CENPP: variants seen among roughly 807,000 people sequenced by gnomAD.
CENPP encodes the protein centromere protein P.
A neutral mutation model predicts 35.6 loss-of-function variants in CENPP; 24 were observed. That is an observed-to-expected ratio of 0.67 (90% CI 0.49 to 0.95). The LOEUF (loss-of-function observed/expected upper bound fraction) is 0.95. CENPP is among the 40% of genes least tolerant of loss of function. The pLI is 0.00. For synonymous variants in CENPP, 120 were observed against 125.5 expected, an observed-to-expected ratio of 0.96 and a Z score of 0.29; for missense variants, 332 against 345.3, an observed-to-expected ratio of 0.96 and a Z score of 0.31.
At chr9:92,326,446 T>C (rs1282701837) in intron 1 of CENPP, among the ~76,000 whole-genome samples, 3 of 152,246 alleles carry the variant, frequency 2.0e-5, no homozygotes, top group African/African-American at 7.2e-5. Flanking sequence ...TCATGGCATT[T>C]GTTTTGGTAG....
At chr9:92,346,264 C>G (rs1196702451) in intron 4 of CENPP, among the ~76,000 whole-genome samples, 1 of 152,098 alleles carries the variant, frequency 6.6e-6, no homozygotes, top group Admixed American at 6.6e-5. Flanking sequence ...TAGGCTCAAG[C>G]AGTCCTCCTG....
At chr9:92,339,437 T>C (rs1841036900) in intron 3 of CENPP, among the ~76,000 whole-genome samples, 1 of 152,194 alleles carries the variant, frequency 6.6e-6, no homozygotes, top group Admixed American at 6.5e-5. Context: ...AGTCTCCATT[T>C]GCTATTACTG....
At chr9:92,433,486 G>A (rs973434251) in intron 5 of CENPP, among the ~76,000 whole-genome samples, 3 of 152,042 alleles carry the variant, frequency 2.0e-5, no homozygotes, top group African/African-American at 4.8e-5. Flanking sequence ...CTCTAATGTG[G>A]GGAAAAGGTA....
chr9:92,341,071 G>A (rs1190776427), intron 3 of CENPP, among the ~76,000 whole-genome samples: 1 of 152,080 alleles, frequency 6.6e-6, no homozygotes, highest in Non-Finnish European at 1.5e-5. Flanking sequence ...CCCCCCCAGG[G>A]GCGCCTGTCT....
At chr9:92,501,089 T>C in intron 5 of CENPP, 1 of 1,589,822 alleles carries the variant, frequency 6.3e-7, no homozygotes, top group Non-Finnish European at 8.6e-7. Flanking sequence ...GGTAGGGACA[T>C]CAGGATGGTG....
chr9:92,608,514 A>C (rs1481031459), intron 5 of CENPP, among the ~76,000 whole-genome samples: 1 of 152,178 alleles, frequency 6.6e-6, no homozygotes, highest in African/African-American at 2.4e-5. Flanking sequence ...CCGTAGGCCT[A>C]ATGATCTCAA....
chr9:92,367,430 G>T (rs1264308407), intron 4 of CENPP, among the ~76,000 whole-genome samples: 2 of 152,080 alleles, frequency 1.3e-5, no homozygotes, highest in Non-Finnish European at 2.9e-5. Flanking sequence ...GCCTCGCAGA[G>T]TTCTGGGATT....
Position 92,582,768 on chromosome 9 carries a change from C to T in CENPP, c.565-28546C>T, listed in dbSNP as rs990177424. Among the ~76,000 whole-genome samples, 8 of 152,162 alleles carry T rather than the reference C, an allele frequency of 5.3e-5. No homozygotes were observed. The East Asian group carries it at 7.7e-4, about 15-fold the overall frequency. On this transcript the variant is annotated intron_variant, in intron 5 of 7. Transcript: ENST00000375587. Reference sequence around the variant, plus strand: ...ACAACACTTCAAATAAGCCCTAGTACGCAAGGGAATGTATTGGAAGGGCAC... The same window carrying T: ...ACAACACTTCAAATAAGCCCTAGTATGCAAGGGAATGTATTGGAAGGGCAC...
chr9:92,348,712 C>T (rs1287821145), intron 4 of CENPP, among the ~76,000 whole-genome samples: 1 of 152,182 alleles, frequency 6.6e-6, no homozygotes, highest in Non-Finnish European at 1.5e-5. Context: ...TCTTACTGTG[C>T]TTGTCTGTTG....
At chr9:92,524,712 C>T (rs543665927) in intron 5 of CENPP, among the ~76,000 whole-genome samples, 1 of 152,148 alleles carries the variant, frequency 6.6e-6, no homozygotes, top group South Asian at 2.1e-4. Context: ...CCCCAGGGAT[C>T]ATAAGAACCC....
intron 1 of CENPP, among the ~76,000 whole-genome samples, chr9:92,330,688 G>GTTTTTT (rs11396197): frequency 2.5e-5 from 3 of 121,272 alleles, no homozygotes; most frequent in Non-Finnish European, 3.5e-5. Context: ...TCTTTTCTTT[G>GTTTTTT]TTTTTTTTTT....
chr9:92,393,065 T>G, intron 5 of CENPP: 1 of 1,602,322 alleles, frequency 6.2e-7, no homozygotes, highest in South Asian at 1.1e-5. Context: ...AATACTAATA[T>G]CATATTTCAG....
intron 5 of CENPP, among the ~76,000 whole-genome samples, chr9:92,447,118 C>T (rs1414040434): frequency 6.6e-6 from 1 of 152,032 alleles, no homozygotes. Flanking sequence ...TTTTTGTCAC[C>T]AGGGACCAGT....
chr9:92,416,448 A>G (rs1843615489), intron 5 of CENPP, among the ~76,000 whole-genome samples: 1 of 152,198 alleles, frequency 6.6e-6, no homozygotes, highest in Admixed American at 6.6e-5. Context: ...AAAAAGGACT[A>G]TAAACTGAAT....
At position 92,528,261 on chromosome 9, in the gene CENPP, C is replaced by T. The variant is rs139699015; in HGVS notation, c.565-83053C>T. Among the ~76,000 whole-genome samples, 11 of 152,210 alleles carry T rather than the reference C, an allele frequency of 7.2e-5. No homozygotes were observed. In the South Asian group the frequency reaches 1.9e-3, roughly 26 times the overall value. ...TGAAAGGGGATGCAAATCAAATGCC[C>T]GGAGAGACCTGTGATTGACCTGCTT... On this transcript the variant is annotated intron_variant, in intron 5 of 7. Coordinates refer to ENST00000375587, the MANE Select transcript of CENPP (RefSeq NM_001012267.3).
In CENPP at chr9:92,337,549, A is replaced by G; in HGVS notation, c.298A>G (p.Lys100Glu). 1 of 1,590,374 alleles carries G rather than the reference A, an allele frequency of 6.3e-7. No homozygotes were observed. Among genetic ancestry groups the G allele is most frequent in the Non-Finnish European group, 8.6e-7 (1 of 1,159,234 alleles). Reference protein sequence around the residue: ...STEMTEKSIRKVLQRHRLSGN... With the variant: ...STEMTEKSIREVLQRHRLSGN... ...GTTTTTCTGCTTTACAGGTATTAGA[A>G]AAGTTCTACAGAGACACAGATTATC... The change falls in exon 3 of 8, where the codon AAA becomes GAA. Residue 100 changes from lysine (K) to glutamate (E), a missense_variant. By Grantham distance (56) the Lys-to-Glu change is moderately conservative (BLOSUM62 1). Transcript: ENST00000375587.
At chr9:92,365,640 A>T (rs1206308943) in intron 4 of CENPP, among the ~76,000 whole-genome samples, 1 of 151,286 alleles carries the variant, frequency 6.6e-6, no homozygotes, top group Non-Finnish European at 1.5e-5. Context: ...CGAATTCATG[A>T]CCTTAGGTGA....
chr9:92,586,523 G>A (rs185061030), intron 5 of CENPP, among the ~76,000 whole-genome samples: 5 of 152,098 alleles, frequency 3.3e-5, no homozygotes, highest in Admixed American at 2.0e-4. Context: ...TACAATATAC[G>A]TGCCCGGTAT....
intron 5 of CENPP, chr9:92,385,794 A>G (rs758609787): frequency 6.2e-7 from 1 of 1,612,252 alleles, no homozygotes; most frequent in Admixed American, 1.7e-5. Flanking sequence ...TGTTGAACTG[A>G]AAAAAAACGA....
Sources: gnomAD v4.1 joint callset for allele counts (sites outside exome capture counted in the v4.1 genomes callset) on GRCh38, gnomAD v4.1.1 for gene constraint, MANE v1.5 for transcripts, NCBI Gene and HGNC (gene_info 2026-07-23, HGNC 2026-07-21) for gene names.